The following LIMK1 variants were observed in gnomAD, a reference collection of about 807,000 sequenced individuals.
The protein encoded by LIMK1 is LIM motif-containing protein kinase.
LIMK1 carries 21 observed loss-of-function variants against 77.6 expected under a neutral mutation model. The observed-to-expected ratio is 0.27, with a 90% CI of 0.19 to 0.39. The LOEUF (loss-of-function observed/expected upper bound fraction) is 0.39. Among genes scored for constraint, LIMK1 ranks in the 10% least tolerant of loss-of-function variants. The pLI is 1.00. For synonymous variants in LIMK1, 358 were observed against 370.0 expected (o/e 0.97, Z 0.37); for missense variants, 696 against 901.6 (o/e 0.77, Z 2.92).
intron 1 of LIMK1, among the ~76,000 whole-genome samples, chr7:74,084,898 A>G (rs1444909207): frequency 2.6e-5 from 4 of 152,116 alleles, no homozygotes; most frequent in Non-Finnish European, 5.9e-5. Flanking sequence ...TCCCAGGCCC[A>G]TGAAAACCTG....
intron 12 of LIMK1, among the ~76,000 whole-genome samples, chr7:74,113,669 C>T (rs1381741390): frequency 2.6e-5 from 4 of 151,742 alleles, no homozygotes; most frequent in African/African-American, 7.3e-5. Flanking sequence ...GACAAGAGAC[C>T]CCCAAACTGA....
chr7:74,092,028 G>A (rs13246841), intron 2 of LIMK1, among the ~76,000 whole-genome samples: 15,415 of 144,266 alleles, frequency 0.11, 816 homozygotes, highest in Non-Finnish European at 0.12. Flanking sequence ...GTGCAGTGGC[G>A]TGATCTCAGC....
chr7:74,116,258 T>C (rs1799808307), intron 13 of LIMK1, among the ~76,000 whole-genome samples: 1 of 40,706 alleles, frequency 2.5e-5, no homozygotes, highest in Admixed American at 3.3e-4. Context: ...TAGCTGGGCA[T>C]GGTGGTGGGT....
intron 13 of LIMK1, among the ~76,000 whole-genome samples, chr7:74,116,167 G>T (rs1041472673): frequency 6.6e-6 from 1 of 152,238 alleles, no homozygotes; most frequent in Admixed American, 6.5e-5. Flanking sequence ...GCTGAGGTGA[G>T]TGGATCACCT....
At chr7:74,092,825 C>T (rs527547431) in intron 2 of LIMK1, among the ~76,000 whole-genome samples, 13 of 152,324 alleles carry the variant, frequency 8.5e-5, no homozygotes, top group South Asian at 6.2e-4. Flanking sequence ...AGGAAGTCGA[C>T]CTCTGTTCCC....
In LIMK1 at chr7:74,099,196, C is replaced by T. The variant is rs782453744; in HGVS notation, c.566C>T (p.Pro189Leu). ...SVSIDPPHGP[P>L]GCGTEHSHTV... ...TCCATTGACCCCCCGCACGGCCCACCGGGCTGTGGCACCGAGCACTCACAC... is the reference window on the plus strand; with the variant it reads ...TCCATTGACCCCCCGCACGGCCCACTGGGCTGTGGCACCGAGCACTCACAC... The change falls in exon 5 of 16, where the codon CCG (proline) becomes CTG (leucine). Residue 189 changes from proline to leucine, a missense_variant. Transcript: ENST00000336180. 2.0e-5 allele frequency: 32 copies of T among 1,610,322 alleles called. No individual in the cohort carries two copies. In the African/African-American group the frequency reaches 2.0e-4, roughly 10 times the overall value.
intron 12 of LIMK1, among the ~76,000 whole-genome samples, chr7:74,114,451 G>A (rs547249331): frequency 6.6e-6 from 1 of 151,488 alleles, no homozygotes; most frequent in South Asian, 2.1e-4. Context: ...CTCAGGAGGT[G>A]GAGGTGGGAG....
intron 2 of LIMK1, among the ~76,000 whole-genome samples, chr7:74,092,683 T>A (rs1242139460): frequency 6.6e-6 from 1 of 152,144 alleles, no homozygotes; most frequent in African/African-American, 2.4e-5. Context: ...TGGTAGCATC[T>A]CCTTGGCAGC....
chr7:74,115,740 G>A, intron 12 of LIMK1, 62 bp from the exon 13 acceptor site: 2 of 1,573,992 alleles, frequency 1.3e-6, no homozygotes, highest in Non-Finnish European at 1.7e-6. Flanking sequence ...TCCTGGGGAG[G>A]GGCAGGCCAA....
At chr7:74,093,110 C>T in intron 2 of LIMK1, 1 of 1,418,890 alleles carries the variant, frequency 7.0e-7, no homozygotes, top group South Asian at 1.6e-5. Flanking sequence ...GCTGCAGCCT[C>T]CTCCTGTGCG....
chr7:74,104,831 CCT>C (rs1476446404), intron 5 of LIMK1, among the ~76,000 whole-genome samples: 1 of 152,168 alleles, frequency 6.6e-6, no homozygotes, highest in Non-Finnish European at 1.5e-5. Context: ...AGCTTGGCCT[CCT>C]CTTGCAGGGC....
intron 2 of LIMK1, among the ~76,000 whole-genome samples, chr7:74,087,089 G>A (rs1210509590): frequency 6.6e-6 from 1 of 152,086 alleles, no homozygotes; most frequent in Non-Finnish European, 1.5e-5. Context: ...CTCAAAGGAT[G>A]TGAGATTTCC....
intron 9 of LIMK1, among the ~76,000 whole-genome samples, chr7:74,108,186 A>G (rs1185964530): frequency 6.6e-6 from 1 of 151,916 alleles, no homozygotes; most frequent in African/African-American, 2.4e-5. Context: ...AAAAAATTTT[A>G]AATTAACCGA....
intron 13 of LIMK1, among the ~76,000 whole-genome samples, chr7:74,118,171 T>C (rs956238275): frequency 6.7e-6 from 1 of 150,010 alleles, no homozygotes; most frequent in Non-Finnish European, 1.5e-5. Context: ...GGTCAAGAGA[T>C]TGAGACCATC....
At position 74,115,707 on chromosome 7, in the gene LIMK1, G is replaced by C. The variant is rs1799792352; in HGVS notation, c.1411-95G>C. The C allele has an allele frequency of 2.2e-6, 3 of 1,362,880 alleles. No homozygotes were observed. The Admixed American group carries it at 5.8e-5, about 26-fold the overall frequency. The allele number at this position is 1,362,880 out of a possible 1,614,324, so 84.4% of individuals were successfully genotyped here. ...AGCGTATCAGAGGTATGTTCTCTGG[G>C]CTGTCTACAGGTTGGCTTGGGGTCC... On this transcript the variant is annotated intron_variant, in intron 12 of 15. Transcript: ENST00000336180.
At chr7:74,107,789 G>A in intron 8 of LIMK1, 82 bp from the exon 9 acceptor site, 1 of 1,060,008 alleles carries the variant, frequency 9.4e-7, no homozygotes, top group South Asian at 1.4e-5. Flanking sequence ...CTCCCTGGCA[G>A]TCCTGGGGTG....
chr7:74,118,377 AACAC>A (rs57707215), intron 13 of LIMK1, among the ~76,000 whole-genome samples: 19,349 of 129,846 alleles, frequency 0.15, 1,514 homozygotes, highest in African/African-American at 0.23. Context: ...CTCTGTGTCA[AACAC>A]ACACACACAC....
intron 10 of LIMK1, chr7:74,109,252 T>C (rs920843219): frequency 2.0e-6 from 1 of 507,220 alleles, no homozygotes; most frequent in East Asian, 3.8e-5. Context: ...TCTGGCACTT[T>C]GGGAGCCCAA....
intron 2 of LIMK1, among the ~76,000 whole-genome samples, chr7:74,086,946 A>G (rs1203274342): frequency 1.3e-5 from 2 of 152,164 alleles, no homozygotes; most frequent in Non-Finnish European, 2.9e-5. Flanking sequence ...ACAGGTAGGA[A>G]GAAAGTAGGG....
Sources: gnomAD v4.1 joint callset for allele counts (sites outside exome capture counted in the v4.1 genomes callset) on GRCh38, gnomAD v4.1.1 for gene constraint, MANE v1.5 for transcripts, NCBI Gene and HGNC (gene_info 2026-07-23, HGNC 2026-07-21) for gene names.